Variants in GABRB3 observed in about 807,000 individuals in gnomAD.
The protein encoded by GABRB3 is gamma-aminobutyric acid receptor subunit beta-3.
Under a neutral mutation model 52.1 loss-of-function variants are expected in GABRB3, and 14 were observed. The ratio of observed to expected loss-of-function variants is 0.27; its 90% confidence interval spans 0.18 to 0.42. The LOEUF is 0.42. GABRB3 is among the 10% of genes least tolerant of loss of function. The probability of loss-of-function intolerance (pLI) is 1.00; values close to 1 mark genes in which losing one functional copy is unlikely to be tolerated. For missense variants in GABRB3, 307 were observed against 609.1 expected (o/e 0.50, Z 5.22); for synonymous variants, 260 against 232.3 (o/e 1.12, Z -1.08).
chr15:26,619,738 T>A (rs1892404136), intron 4 of GABRB3, among the ~76,000 whole-genome samples: 2 of 152,004 alleles, frequency 1.3e-5, no homozygotes, highest in Admixed American at 1.3e-4. Flanking sequence ...AAATAGCATG[T>A]TTTGTTTAAA....
chr15:26,722,586 A>G (rs796347358), intron 3 of GABRB3, among the ~76,000 whole-genome samples: 4 of 152,324 alleles, frequency 2.6e-5, no homozygotes, highest in African/African-American at 9.6e-5. Context: ...CAGTCCTCGT[A>G]ATCTGACAGA....
rs1458844189 is a variant in GABRB3, at chr15:26,772,989, A to T, written c.-27T>A. On this transcript the variant is annotated 5_prime_UTR_variant, in exon 1 of 9. Transcript: ENST00000311550. ...CCTCCGCCGCGCCCCGGCACGGGGG[A>T]GGGGGCGCCCCGCCGCCGTCGCGAC... 7.4e-7 allele frequency: 1 copy of T among 1,358,204 alleles called. No individual in the cohort carries two copies. The allele number at this position is 1,358,204 out of a possible 1,614,324, so 84.1% of individuals were successfully genotyped here.
At chr15:26,619,884 CCAACA>C (rs1316344760) in intron 4 of GABRB3, among the ~76,000 whole-genome samples, 10 of 151,432 alleles carry the variant, frequency 6.6e-5, no homozygotes, top group Non-Finnish European at 5.9e-5. Flanking sequence ...ACAATGCACA[CCAACA>C]CAACACATAC....
chr15:26,671,279 C>G (rs1271912525), intron 3 of GABRB3, among the ~76,000 whole-genome samples: 3 of 152,190 alleles, frequency 2.0e-5, no homozygotes, highest in Non-Finnish European at 4.4e-5. Context: ...ACTTCCATCA[C>G]TAAGTGATTT....
At chr15:26,773,258 C>T (rs1408680294), upstream of GABRB3, among the ~76,000 whole-genome samples, 1 of 150,028 alleles carries the variant, frequency 6.7e-6, no homozygotes, top group Non-Finnish European at 1.5e-5. Context: ...AGGCCGGGGC[C>T]CTGGGCGCTC....
chr15:26,609,113 C>T (rs904695938), intron 4 of GABRB3, among the ~76,000 whole-genome samples: 15 of 69,352 alleles, frequency 2.2e-4, no homozygotes, highest in East Asian at 2.0e-3. Flanking sequence ...TACACACACA[C>T]ACACACACAC....
chr15:26,660,876 T>C (rs1311321864), intron 3 of GABRB3, among the ~76,000 whole-genome samples: 1 of 152,214 alleles, frequency 6.6e-6, no homozygotes, highest in Admixed American at 6.5e-5. Flanking sequence ...TCTCGCTCTG[T>C]CGCCCAGGGT....
chr15:26,643,996 AAGTGACAGGG>A (rs1478378981), intron 3 of GABRB3, among the ~76,000 whole-genome samples: 1 of 152,054 alleles, frequency 6.6e-6, no homozygotes, highest in East Asian at 1.9e-4. Context: ...ACACCATGAG[AAGTGACAGGG>A]AGTTGGGCAG....
intron 3 of GABRB3, among the ~76,000 whole-genome samples, chr15:26,757,364 G>C (rs1181434390): frequency 6.6e-6 from 1 of 152,028 alleles, no homozygotes; most frequent in Non-Finnish European, 1.5e-5. Flanking sequence ...CTTGCCTGGC[G>C]CGCTCCATTG....
At chr15:26,768,800 A>G (rs1324472136) in intron 3 of GABRB3, among the ~76,000 whole-genome samples, 1 of 152,120 alleles carries the variant, frequency 6.6e-6, no homozygotes, top group African/African-American at 2.4e-5. Context: ...CAGGTCAACT[A>G]ATTTTTAAAA....
At chr15:26,573,282 A>C (rs1456022843) in intron 6 of GABRB3, among the ~76,000 whole-genome samples, 1 of 152,232 alleles carries the variant, frequency 6.6e-6, no homozygotes, top group African/African-American at 2.4e-5. Context: ...ATGCAGCCTA[A>C]AATTAAAAAT....
rs752221563 is a variant in GABRB3, at chr15:26,772,677, T to C, written c.172+4A>G. 48 of 1,565,630 alleles carry C rather than the reference T, an allele frequency of 3.1e-5. No individual in the cohort carries two copies. Among genetic ancestry groups the C allele is most frequent in the Non-Finnish European group, 4.1e-5 (47 of 1,156,328 alleles). ...CCCGCAACGGCCGCGCGCAGCCCACTTACCCCCGAAGTCGGGTCTTAGGCG... is the reference window on the plus strand; with the variant it reads ...CCCGCAACGGCCGCGCGCAGCCCACCTACCCCCGAAGTCGGGTCTTAGGCG... On this transcript the variant is annotated splice_donor_region_variant and intron_variant, in intron 2 of 8. Coordinates refer to ENST00000311550, the MANE Select transcript of GABRB3 (RefSeq NM_000814.6).
At chr15:26,734,023 CTTTTTTTT>C (rs61468831) in intron 3 of GABRB3, among the ~76,000 whole-genome samples, 1 of 73,394 alleles carries the variant, frequency 1.4e-5, no homozygotes, top group Non-Finnish European at 2.6e-5. Context: ...AACTATAGGG[CTTTTTTTT>C]TTTTTTTTTT....
chr15:26,557,295 G>A (rs1023584605), intron 8 of GABRB3, among the ~76,000 whole-genome samples: 24 of 152,098 alleles, frequency 1.6e-4, no homozygotes, highest in Non-Finnish European at 3.2e-4. Context: ...GTGAGAGGAC[G>A]AAGAGGATCA....
At chr15:26,721,302 A>T (rs775204320) in intron 3 of GABRB3, among the ~76,000 whole-genome samples, 1 of 152,160 alleles carries the variant, frequency 6.6e-6, no homozygotes, top group African/African-American at 2.4e-5. Flanking sequence ...GCCCTTTGGA[A>T]GGGAAACTTG....
At chr15:26,649,591 A>C (rs1887129543) in intron 3 of GABRB3, among the ~76,000 whole-genome samples, 1 of 151,760 alleles carries the variant, frequency 6.6e-6, no homozygotes, top group Non-Finnish European at 1.5e-5. Flanking sequence ...CGCTACAGGG[A>C]AAGTGAGCTG....
chr15:26,608,507 C>T (rs1030512458), intron 4 of GABRB3, among the ~76,000 whole-genome samples: 1 of 152,016 alleles, frequency 6.6e-6, no homozygotes. Flanking sequence ...TATACAAAGA[C>T]AACCAACAGA....
At chr15:26,722,266 A>G (rs569337927) in intron 3 of GABRB3, among the ~76,000 whole-genome samples, 7 of 152,314 alleles carry the variant, frequency 4.6e-5, no homozygotes, top group African/African-American at 7.2e-5. Context: ...TTGCCAAACT[A>G]TCTCACGAAA....
intron 3 of GABRB3, among the ~76,000 whole-genome samples, chr15:26,655,636 G>A (rs1363448463): frequency 6.6e-6 from 1 of 152,048 alleles, no homozygotes; most frequent in Non-Finnish European, 1.5e-5. Flanking sequence ...AGGCTACTCG[G>A]GAGGCTGAGG....
Sources: gnomAD v4.1 joint callset for allele counts (sites outside exome capture counted in the v4.1 genomes callset) on GRCh38, gnomAD v4.1.1 for gene constraint, MANE v1.5 for transcripts, NCBI Gene and HGNC (gene_info 2026-07-23, HGNC 2026-07-21) for gene names.